ANKRD23: variants seen among roughly 807,000 people sequenced by gnomAD.
The protein encoded by ANKRD23 is ankyrin repeat domain-containing protein 23.
In ANKRD23, 52 loss-of-function variants were observed where a neutral mutation model predicts 38.1. The observed-to-expected ratio is 1.36, with a 90% CI of 1.09 to 1.72. The LOEUF (loss-of-function observed/expected upper bound fraction) is 1.72. Ranked by LOEUF, ANKRD23 falls within the 40% of genes most tolerant of loss-of-function variation. The pLI, the probability that ANKRD23 is intolerant of heterozygous loss-of-function variation, is 0.00. For synonymous variants in ANKRD23, 167 were observed against 162.9 expected (o/e 1.03, Z -0.19); for missense variants, 416 against 400.2 (o/e 1.04, Z -0.34).
rs1297940457 is a variant in ANKRD23 at position 96,840,771 on chromosome 2, A to T, written c.426+16T>A. On this transcript the variant is annotated intron_variant, in intron 4 of 8. Transcript: ENST00000318357. Reference sequence around the variant, plus strand: ...AGCTGCAGCTGCTGCCAGCCGACTCACCCAACCTGTGCTACCTTGTCATGG... The same window carrying T: ...AGCTGCAGCTGCTGCCAGCCGACTCTCCCAACCTGTGCTACCTTGTCATGG... The T allele has an allele frequency of 6.2e-7, 1 of 1,613,920 alleles. No homozygotes were observed. Among genetic ancestry groups the T allele is most frequent in the East Asian group, 2.2e-5 (1 of 44,880 alleles).
chr2:96,843,947 C>G lies in ANKRD23; in HGVS notation c.27+19G>C, dbSNP rs1458864988. 1.9e-6 allele frequency: 3 copies of G among 1,604,220 alleles called. No homozygotes were observed. The highest frequency in any genetic ancestry group is 1.7e-5 in the Admixed American group (1 of 58,392). ...AAGCCGGTCCCAGGGTGCCTCCCAC[C>G]TCCGTCCCACATCCTTACCAACTGC... On this transcript the variant is annotated intron_variant, in intron 1 of 8. Transcript: ENST00000318357.
In ANKRD23 at chr2:96,838,370, A is replaced by G. The variant is rs1193192272; in HGVS notation, c.*1179T>C. On this transcript the variant is annotated 3_prime_UTR_variant, in exon 9 of 9. Coordinates refer to ENST00000318357, the MANE Select transcript of ANKRD23 (RefSeq NM_144994.8). ...CGTTTAGGGGCCCAGCCCCACCAGC[A>G]GTACAGGCCTACACCAGTGTAATTT... 2.0e-6 allele frequency: 2 copies of G among 988,038 alleles called. No homozygotes were observed. The highest frequency in any genetic ancestry group is 2.4e-6 in the Non-Finnish European group (2 of 830,168). The allele number at this position is 988,038 out of a possible 1,614,324, so 61.2% of individuals were successfully genotyped here.
chr2:96,842,534 C>G, intron 1 of ANKRD23, 23 bp from the exon 2 acceptor site: 1 of 1,594,398 alleles, frequency 6.3e-7, no homozygotes, highest in South Asian at 1.1e-5. Flanking sequence ...GATATGAGTA[C>G]TGAGTTGGGA....
chr2:96,840,223 G>A lies in ANKRD23; in HGVS notation c.624+9C>T. The A allele has an allele frequency of 1.2e-6, 2 of 1,608,110 alleles. No homozygotes were observed. The highest frequency in any genetic ancestry group is 1.3e-5 in the African/African-American group (1 of 74,966). On this transcript the variant is annotated intron_variant, in intron 6 of 8. Transcript: ENST00000318357. ...TCCCGACAGGCCCCCAAAGCACCGT[G>A]CCCCTCACCTTGTCCCGGGCATTGA...
At position 96,839,460 on chromosome 2, in the gene ANKRD23, G is replaced by A; in HGVS notation, c.*89C>T. ...CAGAGAGGGAGGAACCAGGGCTGAG[G>A]GCAGGAACCACAGAGGTGCAGACGC... On this transcript the variant is annotated 3_prime_UTR_variant, in exon 9 of 9. Coordinates refer to ENST00000318357, the MANE Select transcript of ANKRD23 (RefSeq NM_144994.8). The A allele has an allele frequency of 3.6e-6, 5 of 1,378,224 alleles. No individual in the cohort carries two copies. Among genetic ancestry groups the A allele is most frequent in the South Asian group, 1.8e-5 (1 of 56,082 alleles). 85.4% of individuals were successfully genotyped at this position (1,378,224 alleles called of 1,614,324 possible).
intron 7 of ANKRD23, 37 bp from the exon 8 acceptor site, chr2:96,839,862 C>G: frequency 1.3e-6 from 2 of 1,590,020 alleles, no homozygotes; most frequent in Non-Finnish European, 1.7e-6. Context: ...TCTGCCTCCG[C>G]GTGCTGCCCT....
intron 3 of ANKRD23, 147 bp from the exon 4 acceptor site, chr2:96,841,059 C>T: frequency 2.1e-6 from 2 of 944,404 alleles, no homozygotes; most frequent in South Asian, 1.7e-5. Flanking sequence ...TATTCTAATC[C>T]CACGCCAGGA....
intron 1 of ANKRD23, 57 bp from the exon 2 acceptor site, chr2:96,842,568 C>CA: frequency 6.4e-7 from 1 of 1,566,650 alleles, no homozygotes; most frequent in Non-Finnish European, 8.6e-7. Flanking sequence ...CCTTAGAAAA[C>CA]AGAGCTGTGG....
Position 96,839,745 on chromosome 2 carries a change from C to G in ANKRD23, c.804G>C (p.Glu268Asp). The G allele has an allele frequency of 6.2e-7, 1 of 1,613,308 alleles. No homozygotes were observed. Among genetic ancestry groups the G allele is most frequent in the Non-Finnish European group, 8.5e-7 (1 of 1,179,930 alleles). The change falls in exon 8 of 9, where the codon GAG (glutamate) becomes GAC (aspartate). Residue 268 changes from glutamate (E) to aspartate (D), a missense_variant. Glu to Asp is a conservative substitution (Grantham distance 45, BLOSUM62 2). Transcript: ENST00000318357. ...CACTCACCGCGTTCCGCACCCCCAGCTCGGCCCCATAGAGCAGCAGTAGCT... is the reference window on the plus strand; with the variant it reads ...CACTCACCGCGTTCCGCACCCCCAGGTCGGCCCCATAGAGCAGCAGTAGCT... ...AMKLLLLYGAELGVRNAASVT... is the reference protein window; with the variant it reads ...AMKLLLLYGADLGVRNAASVT...
In ANKRD23 at chr2:96,840,467, C is replaced by T; in HGVS notation, c.474G>A (p.Gln158=). ...CTGCCACCAGCAGCTTGTTCACCAG[C>T]TGGCTGTGACCCTTCAGACAGGCCC... ...LHWACLKGHS[Q]LVNKLLVAGA... Residue 158 remains glutamine, a synonymous_variant, in exon 5 of 9, where the codon CAG becomes CAA. Coordinates refer to ENST00000318357, the MANE Select transcript of ANKRD23 (RefSeq NM_144994.8). The T allele has an allele frequency of 1.9e-6, 3 of 1,614,144 alleles. No individual in the cohort carries two copies. The highest frequency in any genetic ancestry group is 2.5e-6 in the Non-Finnish European group (3 of 1,180,044).
Position 96,839,315 on chromosome 2 carries a change from C to T in ANKRD23, c.*234G>A. 12 of 1,243,234 alleles carry T rather than the reference C, an allele frequency of 9.7e-6. No homozygotes were observed. The highest frequency in any genetic ancestry group is 1.2e-5 in the Non-Finnish European group (12 of 995,346). 77.0% of individuals were successfully genotyped at this position (1,243,234 alleles called of 1,614,324 possible). The stretch of plus-strand genomic sequence containing the variant: ...CTTTCTGCTGCCTTGTGGTCCTCTG[C>T]TCCAGCCCTGGGAGGGAACGCGGCT... On this transcript the variant is annotated 3_prime_UTR_variant, in exon 9 of 9. Coordinates refer to ENST00000318357, the MANE Select transcript of ANKRD23 (RefSeq NM_144994.8).
chr2:96,841,413 G>A (rs897189736), intron 3 of ANKRD23, among the ~76,000 whole-genome samples: 6 of 151,956 alleles, frequency 3.9e-5, no homozygotes, highest in East Asian at 1.9e-4. Flanking sequence ...TGGCTAACAC[G>A]GTGAAACCCC....
intron 1 of ANKRD23, 124 bp downstream of exon 1, chr2:96,843,842 C>T: frequency 2.2e-6 from 2 of 894,848 alleles, no homozygotes; most frequent in Non-Finnish European, 3.4e-6. Context: ...AAAAGAACTG[C>T]ATGCTTCCCT....
chr2:96,843,726 C>G (rs2079785694), intron 1 of ANKRD23, among the ~76,000 whole-genome samples: 1 of 152,144 alleles, frequency 6.6e-6, no homozygotes, highest in East Asian at 1.9e-4. Context: ...CGCCTGGAGT[C>G]CCAGCTACTT....
In ANKRD23 at chr2:96,839,747, C is replaced by T. The variant is rs771080613; in HGVS notation, c.802G>A (p.Glu268Lys). ...CTCACCGCGTTCCGCACCCCCAGCTCGGCCCCATAGAGCAGCAGTAGCTTC... is the reference window on the plus strand; with the variant it reads ...CTCACCGCGTTCCGCACCCCCAGCTTGGCCCCATAGAGCAGCAGTAGCTTC... ...AMKLLLLYGA[E>K]LGVRNAASVT... is the part of the protein sequence containing the mutation. The change falls in exon 8 of 9, where the codon GAG (glutamate) becomes AAG (lysine). Residue 268 changes from glutamate to lysine, a missense_variant. Glu to Lys is a moderately conservative substitution (Grantham distance 56). Coordinates refer to ENST00000318357, the MANE Select transcript of ANKRD23 (RefSeq NM_144994.8). 3.1e-6 allele frequency: 5 copies of T among 1,613,320 alleles called. No homozygotes were observed. Among genetic ancestry groups the T allele is most frequent in the South Asian group, 1.1e-5 (1 of 91,030 alleles).
Position 96,839,192 on chromosome 2 carries a change from A to T in ANKRD23, c.*357T>A. ...GGACAAGTGGACACTGAGGACTCCC[A>T]GACCCAGCCCTGGGTGGCTCCAGCT... On this transcript the variant is annotated 3_prime_UTR_variant, in exon 9 of 9. Coordinates refer to ENST00000318357, the MANE Select transcript of ANKRD23 (RefSeq NM_144994.8). The T allele has an allele frequency of 9.5e-7, 1 of 1,047,158 alleles. No individual in the cohort carries two copies. Among genetic ancestry groups the T allele is most frequent in the Admixed American group, 5.4e-5 (1 of 18,548 alleles). The allele number at this position is 1,047,158 out of a possible 1,614,324, so 64.9% of individuals were successfully genotyped here.
At position 96,842,437 on chromosome 2, in the gene ANKRD23, A is replaced by G. The variant is rs201345292; in HGVS notation, c.102T>C (p.Ser34=). ...CCTCTTGGGGGCCCCTCCTCCAGTC[A>G]CTAGGCCAGGCTCCAGGGTCAGGAA... The part of the protein sequence containing the change: ...HGVPDPGAWP[S]DWRRGPQEAV... The change falls in exon 2 of 9, where the codon AGT becomes AGC. Residue 34 remains serine (S), a synonymous_variant. Transcript: ENST00000318357. 6.2e-7 allele frequency: 1 copy of G among 1,612,514 alleles called. No individual in the cohort carries two copies. The highest frequency in any genetic ancestry group is 1.3e-5 in the African/African-American group (1 of 74,098).
In ANKRD23 at chr2:96,839,603, G is replaced by A. The variant is rs750593646; in HGVS notation, c.864C>T (p.Arg288=). The A allele has an allele frequency of 6.7e-6, 10 of 1,489,614 alleles. No homozygotes were observed. The South Asian group carries it at 8.1e-5, about 12-fold the overall frequency. The allele number at this position is 1,489,614 out of a possible 1,614,324, so 92.3% of individuals were successfully genotyped here. The change falls in exon 9 of 9, where the codon CGC becomes CGT. Residue 288 remains arginine (R), a synonymous_variant. Transcript: ENST00000318357. The stretch of plus-strand genomic sequence containing the variant: ...GGGCCTGCAGGGCCTCCCGGATGCC[G>A]CGCTGCCAGTCTCGAGCCAGCTGCA... ...TPVQLARDWQ[R]GIREALQAHV...
rs1162203804 is a variant in ANKRD23, at chr2:96,840,255, C to A, written c.601G>T (p.Ala201Ser). ...ACCTTGTCCCGGGCATTGACCCGGG[C>A]TCCCTGGTTAAGCAGCTGTTTGAGG... ...VILKQLLNQG[A>S]RVNARDKIGS... Residue 201 changes from alanine (A) to serine (S), a missense_variant, in exon 6 of 9, where the codon GCC becomes TCC. Coordinates refer to ENST00000318357, the MANE Select transcript of ANKRD23 (RefSeq NM_144994.8). The A allele has an allele frequency of 1.9e-6, 3 of 1,611,354 alleles. No individual in the cohort carries two copies. The highest frequency in any genetic ancestry group is 2.5e-6 in the Non-Finnish European group (3 of 1,178,764).
Sources: gnomAD v4.1 joint callset for allele counts (sites outside exome capture counted in the v4.1 genomes callset) on GRCh38, gnomAD v4.1.1 for gene constraint, MANE v1.5 for transcripts, NCBI Gene and HGNC (gene_info 2026-07-23, HGNC 2026-07-21) for gene names.